PARD3B: variants seen among roughly 807,000 people sequenced by gnomAD.
The protein encoded by PARD3B is partitioning defective 3 homolog B.
In PARD3B, 103 loss-of-function variants were observed where a neutral mutation model predicts 130.2. The observed-to-expected ratio is 0.79, with a 90% CI of 0.67 to 0.93. The LOEUF is 0.93. Among genes scored for constraint, PARD3B ranks in the 40% least tolerant of loss-of-function variants. The pLI, the probability that PARD3B is intolerant of heterozygous loss-of-function variation, is 0.00. For synonymous variants in PARD3B, 583 were observed against 553.2 expected (o/e 1.05, Z -0.76); for missense variants, 1,609 against 1,499.2 (o/e 1.07, Z -1.21).
intron 21 of PARD3B, among the ~76,000 whole-genome samples, chr2:205,548,102 C>T (rs929512089): frequency 4.6e-5 from 7 of 152,070 alleles, no homozygotes; most frequent in African/African-American, 1.2e-4. Flanking sequence ...CTCAGACTTC[C>T]TCCTGGGTTC....
At chr2:205,414,944 TA>T (rs574937311) in intron 19 of PARD3B, among the ~76,000 whole-genome samples, 2 of 151,392 alleles carry the variant, frequency 1.3e-5, no homozygotes, top group Admixed American at 6.6e-5. Flanking sequence ...GACTTTGTTT[TA>T]AAAAAAAACA....
At chr2:205,391,926 A>T (rs2045873720) in intron 18 of PARD3B, among the ~76,000 whole-genome samples, 1 of 152,130 alleles carries the variant, frequency 6.6e-6, no homozygotes, top group South Asian at 2.1e-4. Flanking sequence ...TGCTACAGAA[A>T]GCTCAGCAAA....
chr2:205,266,458 G>A (rs1357447597), intron 16 of PARD3B, among the ~76,000 whole-genome samples: 1 of 152,120 alleles, frequency 6.6e-6, no homozygotes, highest in Non-Finnish European at 1.5e-5. Flanking sequence ...CTTAATTGGA[G>A]TCATAGCAAC....
rs1480659053 is a variant in PARD3B, at chr2:205,324,547, T to C, written c.2630+22846T>C. Among the ~76,000 whole-genome samples the C allele has an allele frequency of 2.6e-5, 4 of 152,188 alleles. No homozygotes were observed. The East Asian group carries it at 7.7e-4, about 29-fold the overall frequency. ...TGCAGGTTAATATATCAACTTTCTC[T>C]TTAAAATTAGTAATGTTTAAAAATA... On this transcript the variant is annotated intron_variant, in intron 18 of 22. Transcript: ENST00000406610.
intron 2 of PARD3B, among the ~76,000 whole-genome samples, chr2:204,851,573 CT>C (rs2044708421): frequency 6.6e-6 from 1 of 152,138 alleles, no homozygotes; most frequent in East Asian, 1.9e-4. Context: ...GACTATCCAA[CT>C]GTATTTGAGT....
intron 3 of PARD3B, among the ~76,000 whole-genome samples, chr2:205,029,094 G>C (rs910783391): frequency 6.6e-6 from 1 of 152,140 alleles, no homozygotes; most frequent in African/African-American, 2.4e-5. Flanking sequence ...CTTTATTTAA[G>C]TATGATCTCT....
intron 11 of PARD3B, among the ~76,000 whole-genome samples, chr2:205,167,192 A>G (rs2034868479): frequency 6.6e-6 from 1 of 152,148 alleles, no homozygotes; most frequent in Non-Finnish European, 1.5e-5. Context: ...CAGAGGAAGT[A>G]CCCAGGCACC....
At chr2:205,476,752 C>G (rs77111699) in intron 20 of PARD3B, among the ~76,000 whole-genome samples, 2 of 152,274 alleles carry the variant, frequency 1.3e-5, no homozygotes, top group Admixed American at 1.3e-4. Flanking sequence ...CTCTTTTACA[C>G]AGCAATCATT....
At chr2:205,578,525 T>G (rs1017189204) in intron 22 of PARD3B, among the ~76,000 whole-genome samples, 1 of 152,172 alleles carries the variant, frequency 6.6e-6, no homozygotes, top group South Asian at 2.1e-4. Flanking sequence ...TGAAGGTATA[T>G]CTACTATGAA....
chr2:205,235,617 T>C (rs2039027510), intron 15 of PARD3B, among the ~76,000 whole-genome samples: 1 of 152,124 alleles, frequency 6.6e-6, no homozygotes, highest in Non-Finnish European at 1.5e-5. Flanking sequence ...CAGGTACATA[T>C]ACAGTGCGGC....
intron 1 of PARD3B, among the ~76,000 whole-genome samples, chr2:204,658,819 C>A (rs1009922828): frequency 1.7e-4 from 26 of 152,146 alleles, no homozygotes; most frequent in African/African-American, 6.0e-4. Context: ...AGGGTACAAT[C>A]TGCTATTACC....
chr2:205,052,939 T>C (rs1053753959), intron 4 of PARD3B, among the ~76,000 whole-genome samples: 2 of 152,130 alleles, frequency 1.3e-5, no homozygotes, highest in Non-Finnish European at 2.9e-5. Context: ...GAAAACACCC[T>C]GAGGGGAAGT....
At chr2:205,082,881 T>C (rs1701503855) in intron 4 of PARD3B, among the ~76,000 whole-genome samples, 1 of 151,778 alleles carries the variant, frequency 6.6e-6, no homozygotes, top group Admixed American at 6.6e-5. Context: ...ATTAGAAGCA[T>C]AATCTTAAGG....
intron 2 of PARD3B, among the ~76,000 whole-genome samples, chr2:204,881,795 G>A (rs1259192735): frequency 6.6e-6 from 1 of 152,216 alleles, no homozygotes; most frequent in Non-Finnish European, 1.5e-5. Flanking sequence ...GAGTGCTGCT[G>A]CTGTGTGTTG....
intron 2 of PARD3B, among the ~76,000 whole-genome samples, chr2:204,920,840 G>A (rs927128279): frequency 1.3e-5 from 2 of 152,128 alleles, no homozygotes. Flanking sequence ...TTGGATCCAT[G>A]TCATCGTGTT....
chr2:204,795,852 C>G (rs940971019), intron 2 of PARD3B, among the ~76,000 whole-genome samples: 1 of 152,076 alleles, frequency 6.6e-6, no homozygotes, highest in Admixed American at 6.5e-5. Flanking sequence ...TAATTTCTTT[C>G]CCTTAAAATT....
chr2:204,654,880 T>A (rs1458683430), intron 1 of PARD3B, among the ~76,000 whole-genome samples: 2 of 152,154 alleles, frequency 1.3e-5, no homozygotes, highest in Non-Finnish European at 2.9e-5. Context: ...ACAGTAGATG[T>A]TTCATAGTCT....
chr2:204,915,252 C>A (rs981112883), intron 2 of PARD3B, among the ~76,000 whole-genome samples: 4 of 152,126 alleles, frequency 2.6e-5, no homozygotes, highest in Non-Finnish European at 4.4e-5. Context: ...ATAGCACTTT[C>A]TTCTTGTCAA....
rs1472037901 is a variant in PARD3B at position 205,122,096 on chromosome 2, A to AT, written c.1165+150dup. ...TTAAGTGTATACTTAGGTAACTTAAATTTCTTGAAATTGTACTTTTTTATT... is the reference window on the plus strand; with the variant it reads ...TTAAGTGTATACTTAGGTAACTTAAATTTTCTTGAAATTGTACTTTTTTATT... On this transcript the variant is annotated intron_variant, in intron 8 of 22. Coordinates refer to ENST00000406610, the MANE Select transcript of PARD3B (RefSeq NM_001302769.2). This position sits in a 1 kb window ranked among gnomAD's most constrained non-coding sequence, Gnocchi z 4.3. 5.5e-5 allele frequency: 39 copies of AT among 710,674 alleles called. No homozygotes were observed. The Middle Eastern group carries it at 2.3e-3, about 42-fold the overall frequency. 44.0% of individuals were successfully genotyped at this position (710,674 alleles called of 1,614,324 possible).
Sources: allele counts gnomAD v4.1 joint callset (sites outside exome capture counted in the v4.1 genomes callset), GRCh38; gene constraint gnomAD v4.1.1; non-coding constraint Gnocchi (gnomAD v3.1); transcripts MANE v1.5; gene names NCBI Gene and HGNC (gene_info 2026-07-23, HGNC 2026-07-21).